ADPGK: variants seen among roughly 807,000 people sequenced by gnomAD.
The protein encoded by ADPGK is ADP dependent glucokinase.
A neutral mutation model predicts 42.4 loss-of-function variants in ADPGK; 26 were observed. The ratio of observed to expected loss-of-function variants is 0.61; its 90% CI spans 0.45 to 0.85. The LOEUF (loss-of-function observed/expected upper bound fraction) is 0.85. Ranked by LOEUF, ADPGK falls within the 40% of genes least tolerant of loss-of-function variation. The pLI is 0.00. For synonymous variants in ADPGK, 267 were observed against 252.6 expected (o/e 1.06, Z -0.54); for missense variants, 571 against 627.0 (o/e 0.91, Z 0.95).
At chr15:72,755,986 C>CA (rs2066108238) in intron 5 of ADPGK, 1 of 668,476 alleles carries the variant, frequency 1.5e-6, no homozygotes, top group Admixed American at 2.0e-5. Flanking sequence ...ACAAACCCTG[C>CA]AGCTTGCAGC....
chr15:72,782,335 A>C lies in ADPGK; in HGVS notation c.233+1124T>G, dbSNP rs184310811. ...TCGAGACCAGCCTGGGCAATATAGCAAGACCTCGACTCTACTAAAAAAAAT... is the reference window on the plus strand; with the variant it reads ...TCGAGACCAGCCTGGGCAATATAGCCAGACCTCGACTCTACTAAAAAAAAT... On this transcript the variant is annotated intron_variant, in intron 1 of 6. Transcript: ENST00000456471. Among the ~76,000 whole-genome samples the C allele has an allele frequency of 9.9e-5, 15 of 152,112 alleles. 1 individual carries two copies. Among genetic ancestry groups the C allele is most frequent in the Admixed American group, 9.8e-4 (15 of 15,266 alleles).
chr15:72,778,739 T>C (rs1278951068), intron 1 of ADPGK, among the ~76,000 whole-genome samples: 1 of 152,184 alleles, frequency 6.6e-6, no homozygotes, highest in Non-Finnish European at 1.5e-5. Flanking sequence ...AGCTTTACAT[T>C]ATGTGCATCA....
chr15:72,765,277 T>G (rs1398508513), intron 3 of ADPGK, among the ~76,000 whole-genome samples: 1 of 152,070 alleles, frequency 6.6e-6, no homozygotes, highest in African/African-American at 2.4e-5. Context: ...GCCTCCTGAG[T>G]AGCTGGGATT....
rs777259443 is a variant in ADPGK, at chr15:72,771,839, C to A, written c.466G>T (p.Val156Leu). Residue 156 changes from valine (V) to leucine (L), a missense_variant, in exon 3 of 7, where the codon GTA (valine) becomes TTA (leucine). Around this residue, in one of 2 missense-constraint regions of ADPGK, gnomAD observed 434 missense variants for 522.7 expected, o/e 0.83. Transcript: ENST00000456471. ...ASEFPGAQHY[V>L]GGNAALIGQK... ...CCAATTAAAGCTGCATTTCCTCCTA[C>A]ATAGTGCTGTAAGAGAGTTCAAGGC... 1.3e-5 allele frequency: 21 copies of A among 1,612,778 alleles called. No individual in the cohort carries two copies. Among genetic ancestry groups the A allele is most frequent in the Admixed American group, 1.7e-5 (1 of 59,930 alleles).
At chr15:72,779,245 T>G (rs1053154065) in intron 1 of ADPGK, among the ~76,000 whole-genome samples, 3 of 5,862 alleles carry the variant, frequency 5.1e-4, no homozygotes, top group Non-Finnish European at 3.2e-3. Context: ...AGCATGAGGG[T>G]TTTTTTTTTT....
chr15:72,756,646 C>G (rs2066118900), intron 4 of ADPGK, 199 bp from the exon 5 acceptor site: 1 of 604,416 alleles, frequency 1.7e-6, no homozygotes, highest in Admixed American at 3.0e-5. Context: ...CAAACCCAGC[C>G]AAGAAACAGA....
intron 3 of ADPGK, among the ~76,000 whole-genome samples, chr15:72,761,898 A>T (rs1468448417): frequency 6.6e-6 from 1 of 151,438 alleles, no homozygotes; most frequent in African/African-American, 2.4e-5. Flanking sequence ...TTTGAGACAG[A>T]GTCTCACTCC....
At chr15:72,758,718 C>G (rs1369578177) in intron 4 of ADPGK, 1 of 154,006 alleles carries the variant, frequency 6.5e-6, no homozygotes. Context: ...CGAGGCACAG[C>G]TGTCCAATAC....
At position 72,756,445 on chromosome 15, in the gene ADPGK, C is replaced by A; in HGVS notation, c.646G>T (p.Glu216Ter). The A allele has an allele frequency of 6.2e-7, 1 of 1,614,092 alleles. No homozygotes were observed. The highest frequency in any genetic ancestry group is 1.3e-5 in the African/African-American group (1 of 75,034). Reference protein sequence around the residue: ...FHLILEYQAGEEWGQLKAPHA... With the variant: ...FHLILEYQAG ...GGAGCTTTTAACTGGCCCCACTCCT[C>A]CCCTGGAAAAACCCAGTCAACACAA... is the stretch of plus-strand genomic sequence containing the variant. The change falls in exon 5 of 7, where the codon GAG becomes TAG. Residue 216 changes from glutamate (E) to a stop codon, truncating the protein, a stop_gained and splice_region_variant. Coordinates refer to ENST00000456471, the MANE Select transcript of ADPGK (RefSeq NM_001365225.1). LOFTEE classifies it high-confidence loss of function.
chr15:72,774,871 C>A lies in ADPGK; in HGVS notation c.459+1G>T. 1 of 1,610,826 alleles carries A rather than the reference C, an allele frequency of 6.2e-7. No individual in the cohort carries two copies. The highest frequency in any genetic ancestry group is 8.5e-7 in the Non-Finnish European group (1 of 1,177,172). On this transcript the variant is annotated splice_donor_variant, in intron 2 of 6. Transcript: ENST00000456471. LOFTEE classifies it high-confidence loss of function. ...ATTTACTATTGCTGAACCAAACAGACCTGGGCTCCTGGGAACTCTGATGCA... is the reference window on the plus strand; with the variant it reads ...ATTTACTATTGCTGAACCAAACAGAACTGGGCTCCTGGGAACTCTGATGCA...
chr15:72,760,964 A>G (rs2066185208), intron 3 of ADPGK, among the ~76,000 whole-genome samples: 1 of 152,110 alleles, frequency 6.6e-6, no homozygotes, highest in Admixed American at 6.5e-5. Context: ...ATCAGATAGA[A>G]CTGGTGGCCT....
intron 3 of ADPGK, among the ~76,000 whole-genome samples, chr15:72,761,823 C>T (rs986365006): frequency 2.0e-5 from 3 of 152,094 alleles, no homozygotes; most frequent in Middle Eastern, 3.4e-3. Flanking sequence ...CTCAGCCTCC[C>T]GAGTAGCTGG....
intron 3 of ADPGK, among the ~76,000 whole-genome samples, chr15:72,763,455 G>A (rs1047478386): frequency 7.9e-5 from 12 of 151,740 alleles, no homozygotes; most frequent in African/African-American, 1.9e-4. Context: ...CCAAAGTGCC[G>A]GATTACAGGC....
At position 72,767,340 on chromosome 15, in the gene ADPGK, G is replaced by A. The variant is rs187978144; in HGVS notation, c.522+4443C>T. Among the ~76,000 whole-genome samples the A allele has an allele frequency of 2.6e-5, 4 of 151,260 alleles. No homozygotes were observed. The East Asian group carries it at 7.7e-4, about 29-fold the overall frequency. On this transcript the variant is annotated intron_variant, in intron 3 of 6. Coordinates refer to ENST00000456471, the MANE Select transcript of ADPGK (RefSeq NM_001365225.1). The stretch of plus-strand genomic sequence containing the variant: ...TAGACAAGTATCCAAAATTACAGTT[G>A]GAGACGTCAACATACCTCTTAATAA...
intron 3 of ADPGK, among the ~76,000 whole-genome samples, chr15:72,764,294 C>T (rs1005185227): frequency 1.3e-5 from 2 of 152,082 alleles, no homozygotes; most frequent in Non-Finnish European, 2.9e-5. Context: ...GAAAGCAAAA[C>T]AAAACAGAAA....
intron 1 of ADPGK, among the ~76,000 whole-genome samples, chr15:72,775,951 A>G (rs1022408216): frequency 6.6e-6 from 1 of 152,214 alleles, no homozygotes; most frequent in African/African-American, 2.4e-5. Flanking sequence ...CCAAGTCCAA[A>G]CACATTTCAT....
intron 3 of ADPGK, among the ~76,000 whole-genome samples, chr15:72,768,600 G>A (rs1265067610): frequency 2.0e-5 from 3 of 151,992 alleles, no homozygotes; most frequent in Admixed American, 6.6e-5. Flanking sequence ...CCTGAGAGAC[G>A]GACATTGCAG....
chr15:72,757,531 A>T (rs2066133215), intron 4 of ADPGK: 1 of 153,100 alleles, frequency 6.5e-6, no homozygotes, highest in Admixed American at 6.5e-5. Context: ...CCAAGTGTCT[A>T]TCTCTGGCAG....
In ADPGK at chr15:72,751,713, C is replaced by G. The variant is rs779209695; in HGVS notation, c.*628G>C. On this transcript the variant is annotated 3_prime_UTR_variant, in exon 7 of 7. Coordinates refer to ENST00000456471, the MANE Select transcript of ADPGK (RefSeq NM_001365225.1). ...GCCAGGACAGGAAAGCATGATCCTT[C>G]AGCTCATGACGCCACCCAGGCTTCC... 1.3e-5 allele frequency: 2 copies of G among 152,992 alleles called. No individual in the cohort carries two copies. The highest frequency in any genetic ancestry group is 4.8e-5 in the African/African-American group (2 of 41,450). The allele number at this position is 152,992 out of a possible 1,614,324, so 9.5% of individuals were successfully genotyped here.
Sources: gnomAD v4.1 joint callset for allele counts (sites outside exome capture counted in the v4.1 genomes callset) on GRCh38, gnomAD v4.1.1 for gene constraint, gnomAD v4.1.1 regional missense constraint, MANE v1.5 for transcripts, NCBI Gene and HGNC (gene_info 2026-07-23, HGNC 2026-07-21) for gene names.